Variants in LPP observed in about 807,000 individuals in gnomAD.
LPP encodes lipoma-preferred partner.
A neutral mutation model predicts 60.4 loss-of-function variants in LPP; 38 were observed. The ratio of observed to expected loss-of-function variants is 0.63; its 90% confidence interval spans 0.49 to 0.83. The LOEUF is 0.83. LPP is among the 40% of genes least tolerant of loss of function. The probability of loss-of-function intolerance (pLI) is 0.00; values close to 1 mark genes in which losing one functional copy is unlikely to be tolerated. For synonymous variants in LPP, 328 were observed against 290.8 expected (o/e 1.13, Z -1.30); for missense variants, 902 against 783.6 (o/e 1.15, Z -1.80).
intron 2 of LPP, among the ~76,000 whole-genome samples, chr3:188,240,362 T>A (rs2149446729): frequency 6.8e-6 from 1 of 146,904 alleles, no homozygotes; most frequent in Non-Finnish European, 1.5e-5. Flanking sequence ...TGTGTGTGTG[T>A]GTGTGTGTGT....
chr3:188,196,483 C>T (rs75356107), intron 1 of LPP, among the ~76,000 whole-genome samples: 8 of 152,154 alleles, frequency 5.3e-5, no homozygotes, highest in African/African-American at 1.7e-4. Context: ...GCCCACTTCC[C>T]TCCTCCCTCT....
intron 2 of LPP, among the ~76,000 whole-genome samples, chr3:188,245,103 C>T (rs992063583): frequency 3.9e-5 from 6 of 152,016 alleles, no homozygotes; most frequent in Non-Finnish European, 7.4e-5. Flanking sequence ...CCTTGTTTCC[C>T]ACCCTGCCCC....
chr3:188,862,736 T>A (rs60077144), intron 9 of LPP, among the ~76,000 whole-genome samples: 79,900 of 112,004 alleles, frequency 0.71, 27,930 homozygotes, highest in African/African-American at 0.82. Context: ...AATAAATAAA[T>A]AAAAGAAAAA....
intron 9 of LPP, among the ~76,000 whole-genome samples, chr3:188,778,351 C>T (rs1738492202): frequency 6.6e-6 from 1 of 152,086 alleles, no homozygotes; most frequent in Non-Finnish European, 1.5e-5. Flanking sequence ...TATACAGTTC[C>T]TGGTTGCTGA....
rs78867219 is a variant in LPP, at chr3:188,872,925, G to C, written c.1710+162G>C. On this transcript the variant is annotated intron_variant, in intron 11 of 11. Coordinates refer to ENST00000617246, the MANE Select transcript of LPP (RefSeq NM_001375462.1). ...TTTGACACTAGTATTCCGAGCACATGCTGTTGAATAAGTCACTGTACCTCT... is the reference window on the plus strand; with the variant it reads ...TTTGACACTAGTATTCCGAGCACATCCTGTTGAATAAGTCACTGTACCTCT... Among the ~76,000 whole-genome samples the C allele has an allele frequency of 8.5e-3, 1,300 of 152,278 alleles. 21 individuals are homozygous for C. The highest frequency in any genetic ancestry group is 0.03 in the African/African-American group (1,250 of 41,534).
chr3:188,267,041 TGCTTCCAAGTCCC>T (rs1735823535), intron 2 of LPP, among the ~76,000 whole-genome samples: 1 of 152,204 alleles, frequency 6.6e-6, no homozygotes. Context: ...TTTGCTTTTC[TGCTTCCAAGTCCC>T]TCCTCCAAGC....
At chr3:188,203,271 TATATA>T (rs1218076561) in intron 1 of LPP, among the ~76,000 whole-genome samples, 1 of 122,678 alleles carries the variant, frequency 8.2e-6, no homozygotes, top group Non-Finnish European at 1.6e-5. Context: ...AAATATATAA[TATATA>T]ATATAATTTC....
intron 7 of LPP, among the ~76,000 whole-genome samples, chr3:188,623,594 A>C (rs1441689486): frequency 2.6e-5 from 4 of 152,180 alleles, no homozygotes; most frequent in Admixed American, 6.5e-5. Flanking sequence ...TTACTGAGTC[A>C]GAAACTGAGA....
chr3:188,293,801 A>T (rs1279880920), intron 2 of LPP, among the ~76,000 whole-genome samples: 1 of 152,180 alleles, frequency 6.6e-6, no homozygotes, highest in Non-Finnish European at 1.5e-5. Flanking sequence ...ACCATGGCTC[A>T]TGCTTGTAAT....
At chr3:188,498,495 G>A (rs1036029993) in intron 5 of LPP, among the ~76,000 whole-genome samples, 1 of 152,096 alleles carries the variant, frequency 6.6e-6, no homozygotes, top group Admixed American at 6.5e-5. Context: ...TGTCCTCAAA[G>A]TTTATCCATG....
chr3:188,253,335 C>G (rs1267952523), intron 2 of LPP, among the ~76,000 whole-genome samples: 1 of 152,084 alleles, frequency 6.6e-6, no homozygotes, highest in Admixed American at 6.6e-5. Flanking sequence ...TCTTAACACC[C>G]GTGTTATCTG....
At chr3:188,726,139 T>A (rs1718309165) in intron 8 of LPP, among the ~76,000 whole-genome samples, 1 of 152,114 alleles carries the variant, frequency 6.6e-6, no homozygotes, top group African/African-American at 2.4e-5. Flanking sequence ...TCACTCTGGG[T>A]ACTATTGTGG....
At chr3:188,742,808 G>T (rs1724906122) in intron 8 of LPP, among the ~76,000 whole-genome samples, 1 of 152,112 alleles carries the variant, frequency 6.6e-6, no homozygotes, top group South Asian at 2.1e-4. Context: ...TTTATTTATT[G>T]CATTTAGATT....
intron 3 of LPP, among the ~76,000 whole-genome samples, chr3:188,393,127 T>C (rs1282086960): frequency 6.6e-6 from 1 of 151,778 alleles, no homozygotes; most frequent in Non-Finnish European, 1.5e-5. Context: ...TAATCTCGTA[T>C]GTGTGGGGTC....
intron 8 of LPP, among the ~76,000 whole-genome samples, chr3:188,742,279 TCTC>T (rs1393596342): frequency 6.6e-6 from 1 of 152,010 alleles, no homozygotes; most frequent in African/African-American, 2.4e-5. Flanking sequence ...ACCCAGCAAT[TCTC>T]CTCCTTGACA....
intron 5 of LPP, among the ~76,000 whole-genome samples, chr3:188,506,186 G>A (rs1813400124): frequency 6.6e-6 from 1 of 152,120 alleles, no homozygotes; most frequent in Non-Finnish European, 1.5e-5. Context: ...ATGTGATGTG[G>A]TGGCATGAGC....
intron 2 of LPP, among the ~76,000 whole-genome samples, chr3:188,287,559 G>T (rs1744370063): frequency 6.6e-6 from 1 of 152,170 alleles, no homozygotes; most frequent in Admixed American, 6.5e-5. Flanking sequence ...TTCTTTCTTT[G>T]CTCAGACAGA....
chr3:188,680,269 C>A (rs1010506282), intron 7 of LPP, among the ~76,000 whole-genome samples: 2 of 152,102 alleles, frequency 1.3e-5, no homozygotes, highest in Non-Finnish European at 2.9e-5. Context: ...GAAATTGTAA[C>A]AATTAGAGGA....
At chr3:188,727,324 G>C (rs1718797724) in intron 8 of LPP, among the ~76,000 whole-genome samples, 1 of 152,136 alleles carries the variant, frequency 6.6e-6, no homozygotes, top group African/African-American at 2.4e-5. Context: ...GCAGTACTGA[G>C]AGTATTGAAA....
Sources: allele counts gnomAD v4.1 joint callset (sites outside exome capture counted in the v4.1 genomes callset), GRCh38; gene constraint gnomAD v4.1.1; transcripts MANE v1.5; gene names NCBI Gene and HGNC (gene_info 2026-07-23, HGNC 2026-07-21).